Variants in LRP1B observed in about 807,000 individuals in gnomAD.
LRP1B encodes LDL receptor related protein 1B.
A neutral mutation model predicts 556.6 loss-of-function variants in LRP1B; 217 were observed. The observed-to-expected ratio is 0.39, with a 90% CI of 0.35 to 0.44. LRP1B has a LOEUF of 0.44. Among genes scored for constraint, LRP1B ranks in the 20% least tolerant of loss-of-function variants. The pLI is 1.00. For synonymous variants in LRP1B, 2,047 were observed against 1,865.8 expected (o/e 1.10, Z -2.50); for missense variants, 5,053 against 5,620.8 (o/e 0.90, Z 3.23).
chr2:142,070,920 T>C (rs1253245329), intron 1 of LRP1B, among the ~76,000 whole-genome samples: 2 of 151,956 alleles, frequency 1.3e-5, no homozygotes, highest in East Asian at 3.9e-4. Flanking sequence ...ACTCATGCCT[T>C]AGCACATACA....
intron 1 of LRP1B, among the ~76,000 whole-genome samples, chr2:142,046,869 A>G (rs1294458863): frequency 6.6e-6 from 1 of 151,948 alleles, no homozygotes; most frequent in Non-Finnish European, 1.5e-5. Flanking sequence ...TTGGAAATGG[A>G]ATTATAAATG....
chr2:141,725,022 T>C (rs1167212175), intron 2 of LRP1B, among the ~76,000 whole-genome samples: 14 of 151,936 alleles, frequency 9.2e-5, no homozygotes, highest in Non-Finnish European at 2.1e-4. Context: ...TCATTAGGTA[T>C]AGCAATTAAA....
chr2:141,741,306 G>T, intron 2 of LRP1B, among the ~76,000 whole-genome samples: 1 of 126,404 alleles, frequency 7.9e-6, no homozygotes. Context: ...TATATATCTA[G>T]GAGTAGGATT....
At chr2:141,186,286 G>A (rs1281824971) in intron 7 of LRP1B, among the ~76,000 whole-genome samples, 2 of 148,082 alleles carry the variant, frequency 1.4e-5, no homozygotes, top group African/African-American at 2.4e-5. Flanking sequence ...TGTAAAATTA[G>A]GAAAACCTAG....
At chr2:141,082,743 G>C (rs911966978) in intron 7 of LRP1B, among the ~76,000 whole-genome samples, 1 of 152,086 alleles carries the variant, frequency 6.6e-6, no homozygotes, top group Non-Finnish European at 1.5e-5. Flanking sequence ...TTTTCTTATA[G>C]AAATGCAATC....
At chr2:140,931,842 G>A (rs550848717) in intron 20 of LRP1B, among the ~76,000 whole-genome samples, 184 of 152,072 alleles carry the variant, frequency 1.2e-3, no homozygotes, top group African/African-American at 4.2e-3. Flanking sequence ...GTATTAATCC[G>A]CTGAATTGGC....
chr2:141,343,485 G>C (rs1303357625), intron 3 of LRP1B, among the ~76,000 whole-genome samples: 4 of 152,268 alleles, frequency 2.6e-5, no homozygotes, highest in Admixed American at 2.6e-4. Flanking sequence ...TTGTGTGCTA[G>C]ATATTTTTGT....
intron 79 of LRP1B, among the ~76,000 whole-genome samples, chr2:140,327,728 GTAATCCAATT>G (rs1257262819): frequency 2.6e-5 from 4 of 151,976 alleles, no homozygotes; most frequent in Non-Finnish European, 4.4e-5. Flanking sequence ...CAGTGAGTAT[GTAATCCAATT>G]TAATCAACAA....
chr2:141,375,535 C>A (rs1689395782), intron 3 of LRP1B, among the ~76,000 whole-genome samples: 1 of 152,004 alleles, frequency 6.6e-6, no homozygotes, highest in African/African-American at 2.4e-5. Context: ...CTTGGGCGGG[C>A]TACTCTCCAG....
chr2:141,123,955 ATTGT>A (rs201235728), intron 7 of LRP1B, among the ~76,000 whole-genome samples: 1,812 of 152,244 alleles, frequency 0.012, 26 homozygotes, highest in African/African-American at 0.04. Flanking sequence ...GATAGAGTAA[ATTGT>A]TAGTTATTTT....
intron 2 of LRP1B, among the ~76,000 whole-genome samples, chr2:141,639,292 C>T (rs1417824546): frequency 7.1e-5 from 8 of 112,496 alleles, no homozygotes; most frequent in East Asian, 2.8e-4. Flanking sequence ...CCCAGGAGTA[C>T]GCATCATGTG....
chr2:141,318,697 G>A (rs1687119792), intron 3 of LRP1B, among the ~76,000 whole-genome samples: 1 of 152,114 alleles, frequency 6.6e-6, no homozygotes, highest in Non-Finnish European at 1.5e-5. Context: ...AAGTAGACAA[G>A]AGCTCCTTTG....
At chr2:141,616,665 T>C (rs1688311798) in intron 2 of LRP1B, among the ~76,000 whole-genome samples, 1 of 152,244 alleles carries the variant, frequency 6.6e-6, no homozygotes, top group South Asian at 2.1e-4. Context: ...TAAGTACAGT[T>C]CTTTTTAAAA....
chr2:140,959,482 A>G (rs1158194278), intron 18 of LRP1B, among the ~76,000 whole-genome samples: 1 of 151,708 alleles, frequency 6.6e-6, no homozygotes, highest in African/African-American at 2.4e-5. Context: ...AATTACTACT[A>G]AAATGAATGT....
chr2:140,268,187 C>G (rs555857403), intron 86 of LRP1B, among the ~76,000 whole-genome samples: 50 of 151,874 alleles, frequency 3.3e-4, no homozygotes, highest in Non-Finnish European at 5.6e-4. Context: ...CATTTTTGGT[C>G]AAGGAGAACC....
At chr2:142,022,998 T>C (rs1703390041) in intron 1 of LRP1B, among the ~76,000 whole-genome samples, 1 of 152,186 alleles carries the variant, frequency 6.6e-6, no homozygotes, top group African/African-American at 2.4e-5. Flanking sequence ...TTTATAATGC[T>C]GTGTCTAGAA....
At chr2:140,689,255 A>G (rs1686155310) in intron 41 of LRP1B, among the ~76,000 whole-genome samples, 1 of 152,178 alleles carries the variant, frequency 6.6e-6, no homozygotes, top group South Asian at 2.1e-4. Context: ...GTCTTGTCCA[A>G]TCCCAGTGGC....
chr2:141,994,251 GC>G (rs958811840), intron 1 of LRP1B, among the ~76,000 whole-genome samples: 1 of 152,094 alleles, frequency 6.6e-6, no homozygotes, highest in Non-Finnish European at 1.5e-5. Flanking sequence ...TGTAATAGTG[GC>G]CAGCTGGCAA....
chr2:141,031,008 T>C (rs1698353309), intron 11 of LRP1B, among the ~76,000 whole-genome samples: 1 of 151,918 alleles, frequency 6.6e-6, no homozygotes, highest in African/African-American at 2.4e-5. Flanking sequence ...CTATAAGCTC[T>C]AGGTCCCTAA....
Sources: gnomAD v4.1 joint callset for allele counts (sites outside exome capture counted in the v4.1 genomes callset) on GRCh38, gnomAD v4.1.1 for gene constraint, MANE v1.5 for transcripts, NCBI Gene and HGNC (gene_info 2026-07-23, HGNC 2026-07-21) for gene names.